The following VWA8 variants were observed in gnomAD, a reference collection of about 807,000 sequenced individuals.
The protein encoded by VWA8 is von Willebrand factor A domain containing 8.
In VWA8, 221 loss-of-function variants were observed where a neutral mutation model predicts 241.5. The ratio of observed to expected loss-of-function variants is 0.91; its 90% CI spans 0.82 to 1.02. The LOEUF is 1.02. Ranked by LOEUF, VWA8 falls within the 50% of genes least tolerant of loss-of-function variation. VWA8 has a pLI of 0.00. For missense variants in VWA8, 2,322 were observed against 2,328.7 expected (o/e 1.00, Z 0.06); for synonymous variants, 852 against 827.1 (o/e 1.03, Z -0.52).
chr13:41,833,686 G>A (rs1871586713), intron 12 of VWA8, among the ~76,000 whole-genome samples, 155 bp from the exon 13 acceptor site: 2 of 152,070 alleles, frequency 1.3e-5, no homozygotes, highest in South Asian at 4.1e-4. Context: ...TAAAACGAAA[G>A]CTCTTCAGAA....
At chr13:41,917,580 A>G (rs1447191997) in intron 2 of VWA8, among the ~76,000 whole-genome samples, 1 of 152,198 alleles carries the variant, frequency 6.6e-6, no homozygotes, top group African/African-American at 2.4e-5. Context: ...GCCAATGAGA[A>G]CCAGGTACGG....
At chr13:41,633,475 A>C (rs572899016) in intron 37 of VWA8, among the ~76,000 whole-genome samples, 1 of 152,346 alleles carries the variant, frequency 6.6e-6, no homozygotes, top group Admixed American at 6.5e-5. Flanking sequence ...AACATAGGGA[A>C]GCCTGATAAC....
chr13:41,834,557 G>A (rs1188522715), intron 12 of VWA8, among the ~76,000 whole-genome samples: 1 of 152,052 alleles, frequency 6.6e-6, no homozygotes, highest in East Asian at 1.9e-4. Flanking sequence ...CTGACTAAAT[G>A]GCTATTACTA....
chr13:41,761,081 A>C, intron 21 of VWA8, 47 bp downstream of exon 21: 1 of 1,573,110 alleles, frequency 6.4e-7, no homozygotes, highest in Non-Finnish European at 8.7e-7. Context: ...GAGGGAAACA[A>C]ATGATTAAAT....
chr13:41,783,531 G>A (rs913829944), intron 19 of VWA8, among the ~76,000 whole-genome samples: 6 of 151,758 alleles, frequency 4.0e-5, no homozygotes, highest in East Asian at 3.9e-4. Context: ...TCAGCTACTC[G>A]GGAGGCTGAG....
At chr13:41,577,371 T>A (rs1043241689) in intron 42 of VWA8, among the ~76,000 whole-genome samples, 6 of 150,346 alleles carry the variant, frequency 4.0e-5, no homozygotes, top group African/African-American at 5.0e-5. Flanking sequence ...GAAAAAAAAA[T>A]TATTCTTAGT....
chr13:41,841,807 A>AT (rs1872033844), intron 12 of VWA8, among the ~76,000 whole-genome samples: 2 of 32,174 alleles, frequency 6.2e-5, no homozygotes, highest in African/African-American at 1.8e-4. Context: ...AAAAAAAAAA[A>AT]AAAAAAAAAA....
At chr13:41,879,336 CCTCCTT>C (rs1874056401) in intron 9 of VWA8, among the ~76,000 whole-genome samples, 2 of 151,414 alleles carry the variant, frequency 1.3e-5, no homozygotes, top group African/African-American at 4.9e-5. Flanking sequence ...TGTTCCTCCT[CCTCCTT>C]CTCCTCCTAC....
intron 2 of VWA8, among the ~76,000 whole-genome samples, chr13:41,930,449 A>T (rs956937409): frequency 2.0e-5 from 3 of 152,246 alleles, no homozygotes; most frequent in Non-Finnish European, 2.9e-5. Flanking sequence ...AATAGCAAAG[A>T]TACGGAAACA....
chr13:41,925,730 G>C (rs910488259), intron 2 of VWA8: 3 of 198,670 alleles, frequency 1.5e-5, no homozygotes, highest in Non-Finnish European at 3.2e-5. Flanking sequence ...AGAACTCAGT[G>C]AGAAAGTTAA....
At chr13:41,727,368 T>C (rs1379890414) in intron 23 of VWA8, 55 bp from the exon 24 acceptor site, 2 of 1,157,804 alleles carry the variant, frequency 1.7e-6, no homozygotes, top group African/African-American at 3.2e-5. Flanking sequence ...CTTAAAAATA[T>C]CAAGCAACAA....
Position 41,739,855 on chromosome 13 carries a change from TTG to T in VWA8, c.2427-7702_2427-7701del, listed in dbSNP as rs767367591. On this transcript the variant is annotated intron_variant, in intron 21 of 44. Coordinates refer to ENST00000379310, the MANE Select transcript of VWA8 (RefSeq NM_015058.2). ...TTTTTTTTTGTTTTTTTTGTTTTTT[TTG>T]TTTTTTTTTTTTTTTGAGACAGAGT... is the stretch of plus-strand genomic sequence containing the variant. 3.8e-3 allele frequency among the ~76,000 whole-genome samples: 228 copies of T among 59,734 alleles called. 16 individuals are homozygous for T. Among genetic ancestry groups the T allele is most frequent in the Non-Finnish European group, 5.6e-3 (148 of 26,390 alleles). 39.2% of individuals were successfully genotyped at this position (59,734 alleles called of 152,430 possible).
At chr13:41,790,701 C>T (rs1266866655) in intron 17 of VWA8, among the ~76,000 whole-genome samples, 1 of 151,822 alleles carries the variant, frequency 6.6e-6, no homozygotes, top group Non-Finnish European at 1.5e-5. Flanking sequence ...AATTTTTCTA[C>T]AATAAAAGTA....
At chr13:41,689,611 T>G in intron 33 of VWA8, 103 bp from the exon 34 acceptor site, 1 of 1,173,802 alleles carries the variant, frequency 8.5e-7, no homozygotes, top group South Asian at 2.6e-5. Context: ...AAGAACAAGT[T>G]AAAAAAGAGA....
intron 21 of VWA8, among the ~76,000 whole-genome samples, chr13:41,733,482 C>T (rs75236847): frequency 6.6e-6 from 1 of 152,102 alleles, no homozygotes; most frequent in Non-Finnish European, 1.5e-5. Flanking sequence ...TGTATAACGC[C>T]GTATCTGGCA....
intron 37 of VWA8, among the ~76,000 whole-genome samples, chr13:41,636,704 A>G (rs879602476): frequency 6.6e-6 from 1 of 152,152 alleles, no homozygotes; most frequent in Non-Finnish European, 1.5e-5. Context: ...TCTACAATGA[A>G]CTCAAACAAA....
At chr13:41,584,616 G>A (rs1009852628) in intron 42 of VWA8, among the ~76,000 whole-genome samples, 1 of 152,206 alleles carries the variant, frequency 6.6e-6, no homozygotes, top group African/African-American at 2.4e-5. Flanking sequence ...TAACTGTAGT[G>A]AATATGATGG....
intron 17 of VWA8, among the ~76,000 whole-genome samples, chr13:41,792,738 T>C (rs1566459500): frequency 1.3e-5 from 2 of 152,086 alleles, no homozygotes; most frequent in South Asian, 2.1e-4. Context: ...TCTTCTTTTA[T>C]AACTTTGAAT....
At chr13:41,635,474 A>G (rs971884225) in intron 37 of VWA8, among the ~76,000 whole-genome samples, 4 of 152,206 alleles carry the variant, frequency 2.6e-5, no homozygotes. Flanking sequence ...CGTAATTAAG[A>G]TAAAGCATTA....
Sources: gnomAD v4.1 joint callset for allele counts (sites outside exome capture counted in the v4.1 genomes callset) on GRCh38, gnomAD v4.1.1 for gene constraint, MANE v1.5 for transcripts, NCBI Gene and HGNC (gene_info 2026-07-23, HGNC 2026-07-21) for gene names.